CCDC180: variants seen among roughly 807,000 people sequenced by gnomAD.
CCDC180 encodes coiled-coil domain-containing protein 180.
CCDC180 carries 154 observed loss-of-function variants against 209.2 expected under a neutral mutation model. That is an observed-to-expected ratio of 0.74 (90% CI 0.65 to 0.84). CCDC180 has a LOEUF of 0.84. Ranked by LOEUF, CCDC180 falls within the 40% of genes least tolerant of loss-of-function variation. The probability of loss-of-function intolerance (pLI) is 0.00; values close to 1 mark genes in which losing one functional copy is unlikely to be tolerated. For synonymous variants in CCDC180, 778 were observed against 749.1 expected (o/e 1.04, Z -0.63); for missense variants, 1,874 against 1,997.3 (o/e 0.94, Z 1.18).
chr9:97,327,565 A>G (rs927872577), intron 15 of CCDC180, among the ~76,000 whole-genome samples: 1 of 152,198 alleles, frequency 6.6e-6, no homozygotes, highest in Non-Finnish European at 1.5e-5. Context: ...GACTGTTCAC[A>G]GAAATAGAAC....
Position 97,314,512 on chromosome 9 carries a change from C to T in CCDC180, c.579C>T (p.Tyr193=), listed in dbSNP as rs942618856. Residue 193 remains tyrosine, a synonymous_variant, in exon 6 of 37, where the codon TAC becomes TAT. Transcript: ENST00000529487. ...AAAATGACACCAACCTTGAGGACTACACCATCCAAGTAGGGGTCCCTTCGT... is the reference window on the plus strand; with the variant it reads ...AAAATGACACCAACCTTGAGGACTATACCATCCAAGTAGGGGTCCCTTCGT... ...KVENDTNLED[Y]TIQALLELWD... The T allele has an allele frequency of 1.2e-6, 2 of 1,614,192 alleles. No homozygotes were observed. The highest frequency in any genetic ancestry group is 8.5e-7 in the Non-Finnish European group (1 of 1,180,034).
chr9:97,316,619 G>A (rs1409485795), intron 8 of CCDC180, among the ~76,000 whole-genome samples: 1 of 152,230 alleles, frequency 6.6e-6, no homozygotes, highest in African/African-American at 2.4e-5. Flanking sequence ...GACTGCTGAA[G>A]AATGTTCTAG....
At chr9:97,360,541 G>A (rs1373357121) in intron 26 of CCDC180, among the ~76,000 whole-genome samples, 1 of 152,096 alleles carries the variant, frequency 6.6e-6, no homozygotes, top group Non-Finnish European at 1.5e-5. Flanking sequence ...TCCGTTCCCC[G>A]AACATGGCCA....
chr9:97,331,777 C>A lies in CCDC180; in HGVS notation c.2274+1010C>A, dbSNP rs186524672. ...TGGTTTTTGCTTGTTAATTTAAATT[C>A]TTTATAGATTCTGGATATTAGACCT... On this transcript the variant is annotated intron_variant, in intron 18 of 36. Transcript: ENST00000529487. Among the ~76,000 whole-genome samples, 110 of 152,106 alleles carry A rather than the reference C, an allele frequency of 7.2e-4. 2 individuals carry two copies. The highest frequency in any genetic ancestry group is 2.6e-3 in the Admixed American group (40 of 15,264).
Position 97,347,403 on chromosome 9 carries a change from A to G in CCDC180, c.2588A>G (p.Glu863Gly). ...GTCACCGTGGCCACCAAAATCAATG[A>G]GCTGGATTCAGAACTGGAGCTGCAT... ...TRVTVATKINELDSELELHLH... is the reference protein window; with the variant it reads ...TRVTVATKINGLDSELELHLH... Residue 863 changes from glutamate to glycine, a missense_variant, in exon 20 of 37, where the codon GAG becomes GGG. Transcript: ENST00000529487. The G allele has an allele frequency of 6.5e-7, 1 of 1,536,136 alleles. No homozygotes were observed. The highest frequency in any genetic ancestry group is 8.7e-7 in the Non-Finnish European group (1 of 1,146,922).
rs3178280 is a variant in CCDC180 at position 97,376,906 on chromosome 9, A to G, written c.*12A>G. 6.2e-7 allele frequency: 1 copy of G among 1,606,732 alleles called. No individual in the cohort carries two copies. The highest frequency in any genetic ancestry group is 1.1e-5 in the South Asian group (1 of 90,564). On this transcript the variant is annotated 3_prime_UTR_variant, in exon 37 of 37. Coordinates refer to ENST00000529487, the MANE Select transcript of CCDC180 (RefSeq NM_020893.6). ...GCCTGTATGTGTGACCCTCCGCCCCACCATGAATAAACACTTTCTTATACA... is the reference window on the plus strand; with the variant it reads ...GCCTGTATGTGTGACCCTCCGCCCCGCCATGAATAAACACTTTCTTATACA...
intron 3 of CCDC180, among the ~76,000 whole-genome samples, 176 bp from the exon 4 acceptor site, chr9:97,311,937 G>A (rs919143820): frequency 3.3e-5 from 5 of 152,070 alleles, no homozygotes; most frequent in Admixed American, 2.6e-4. Flanking sequence ...AACCCCAGGC[G>A]GCGTTTGTTG....
intron 8 of CCDC180, 39 bp from the exon 9 acceptor site, chr9:97,317,025 AC>A: frequency 6.4e-7 from 1 of 1,563,092 alleles, no homozygotes; most frequent in Non-Finnish European, 8.7e-7. Flanking sequence ...CCCGAGAGAG[AC>A]CCTGCCCTGT....
At chr9:97,364,209 G>C (rs756434743) in intron 29 of CCDC180, 81 bp downstream of exon 29, 13 of 1,321,866 alleles carry the variant, frequency 9.8e-6, no homozygotes, top group Non-Finnish European at 1.4e-5. Context: ...CAGCTGAGGG[G>C]AAAAATCAGA....
At position 97,369,716 on chromosome 9, in the gene CCDC180, C is replaced by T. The variant is rs968863999; in HGVS notation, c.4190-206C>T. 66 of 488,026 alleles carry T rather than the reference C, an allele frequency of 1.4e-4. 1 individual carries two copies. Among genetic ancestry groups the T allele is most frequent in the Non-Finnish European group, 2.0e-4 (55 of 276,002 alleles). 30.2% of individuals were successfully genotyped at this position (488,026 alleles called of 1,614,324 possible). A position where few individuals can be genotyped will look rare whatever the true frequency, so the allele number is the denominator to read the frequency against. ...TCAGCCTCCCAAAGTGCTGGGATTA[C>T]AGGTGTAAGCCACTGCAGCTGGCTA... On this transcript the variant is annotated intron_variant, in intron 31 of 36. Coordinates refer to ENST00000529487, the MANE Select transcript of CCDC180 (RefSeq NM_020893.6).
intron 13 of CCDC180, among the ~76,000 whole-genome samples, chr9:97,324,247 A>G (rs1248403432): frequency 6.6e-6 from 1 of 152,176 alleles, no homozygotes; most frequent in Non-Finnish European, 1.5e-5. Context: ...GTTTTCTGTG[A>G]AGGGCCAGAT....
intron 15 of CCDC180, among the ~76,000 whole-genome samples, chr9:97,327,162 C>G (rs1833558697): frequency 6.6e-6 from 1 of 151,954 alleles, no homozygotes; most frequent in Non-Finnish European, 1.5e-5. Flanking sequence ...GAGTGAGACT[C>G]TGTCTCAAAA....
chr9:97,346,599 C>T (rs766627763), intron 19 of CCDC180, among the ~76,000 whole-genome samples: 5 of 152,150 alleles, frequency 3.3e-5, no homozygotes, highest in Non-Finnish European at 7.3e-5. Flanking sequence ...GGACAGTACA[C>T]AGAAAGAGAA....
intron 18 of CCDC180, among the ~76,000 whole-genome samples, chr9:97,336,742 A>C (rs544318753): frequency 3.7e-4 from 57 of 152,312 alleles, no homozygotes; most frequent in African/African-American, 1.4e-3. Context: ...GAATCTATAA[A>C]TTAACTTGGG....
At chr9:97,339,227 T>C (rs545863790) in intron 18 of CCDC180, among the ~76,000 whole-genome samples, 80 of 152,336 alleles carry the variant, frequency 5.3e-4, no homozygotes, top group South Asian at 1.5e-3. Context: ...ATTTTGCCCA[T>C]TAGTTGATGC....
chr9:97,326,084 G>A (rs1018441429), intron 14 of CCDC180, among the ~76,000 whole-genome samples: 5 of 152,190 alleles, frequency 3.3e-5, no homozygotes, highest in Non-Finnish European at 7.3e-5. Context: ...AATTGTGCAC[G>A]TGTTGGGAAT....
chr9:97,331,384 T>C (rs1476791707), intron 18 of CCDC180, among the ~76,000 whole-genome samples: 1 of 152,236 alleles, frequency 6.6e-6, no homozygotes, highest in African/African-American at 2.4e-5. Context: ...TGAATATATA[T>C]GCATGCATGT....
At position 97,362,260 on chromosome 9, in the gene CCDC180, G is replaced by T. The variant is rs763855620; in HGVS notation, c.3721G>T (p.Ala1241Ser). ...AGATCCGTCCCAGACAGGTAGAGGCGCATGGGCCTGTGGGTCTCGGGGCAG... is the reference window on the plus strand; with the variant it reads ...AGATCCGTCCCAGACAGGTAGAGGCTCATGGGCCTGTGGGTCTCGGGGCAG... Reference protein sequence around the residue: ...DKDPSQTGRGAWACGSRGSSE... With the variant: ...DKDPSQTGRGSWACGSRGSSE... The change falls in exon 28 of 37, where the codon GCA becomes TCA. Residue 1241 changes from alanine (A) to serine (S), a missense_variant. Ala to Ser is a moderately conservative substitution (Grantham distance 99, BLOSUM62 1). Transcript: ENST00000529487. The T allele has an allele frequency of 1.6e-5, 26 of 1,614,004 alleles. No individual in the cohort carries two copies. The highest frequency in any genetic ancestry group is 2.1e-5 in the Non-Finnish European group (25 of 1,180,016).
chr9:97,350,702 GGCATTAAGGATA>G, intron 22 of CCDC180, 147 bp downstream of exon 22: 1 of 862,038 alleles, frequency 1.2e-6, no homozygotes. Flanking sequence ...ACAGATCAGT[GGCATTAAGGATA>G]TCCTGGTTGT....
Sources: gnomAD v4.1 joint callset for allele counts (sites outside exome capture counted in the v4.1 genomes callset) on GRCh38, gnomAD v4.1.1 for gene constraint, MANE v1.5 for transcripts, NCBI Gene and HGNC (gene_info 2026-07-23, HGNC 2026-07-21) for gene names.